Variants in EYS observed in about 807,000 individuals in gnomAD.
The protein encoded by EYS is protein eyes shut homolog.
In EYS, 250 loss-of-function variants were observed where a neutral mutation model predicts 282.1. That is an observed-to-expected ratio of 0.89 (90% CI 0.80 to 0.98). The LOEUF (loss-of-function observed/expected upper bound fraction) is 0.98. Ranked by LOEUF, EYS falls within the 50% of genes least tolerant of loss-of-function variation. The probability of loss-of-function intolerance (pLI) is 0.00; values close to 1 mark genes in which losing one functional copy is unlikely to be tolerated. For synonymous variants in EYS, 1,355 were observed against 1,282.9 expected, an observed-to-expected ratio of 1.06 and a Z score of -1.20; for missense variants, 4,016 against 3,709.0, an observed-to-expected ratio of 1.08 and a Z score of -2.15.
chr6:65,431,262 A>C (rs182849947), intron 5 of EYS, among the ~76,000 whole-genome samples: 1 of 152,024 alleles, frequency 6.6e-6, no homozygotes, highest in Non-Finnish European at 1.5e-5. Flanking sequence ...TTTGAGAAAC[A>C]CCTTTTCCTT....
chr6:65,247,536 T>A (rs1365541332), intron 12 of EYS, among the ~76,000 whole-genome samples: 2 of 152,046 alleles, frequency 1.3e-5, no homozygotes, highest in Non-Finnish European at 2.9e-5. Context: ...ACACCTCCAA[T>A]ACAGAGAACA....
chr6:64,218,556 T>TC (rs1307928810), intron 31 of EYS, among the ~76,000 whole-genome samples: 1 of 152,162 alleles, frequency 6.6e-6, no homozygotes, highest in Non-Finnish European at 1.5e-5. Context: ...TCCCTACTTG[T>TC]CCCCCTCACT....
chr6:65,278,567 A>C, intron 12 of EYS, among the ~76,000 whole-genome samples: 1 of 151,750 alleles, frequency 6.6e-6, no homozygotes, highest in East Asian at 1.9e-4. Flanking sequence ...TTTCAAGGTT[A>C]TTCAGTGTGG....
chr6:64,751,697 G>A (rs918272895), intron 22 of EYS, among the ~76,000 whole-genome samples: 1 of 152,166 alleles, frequency 6.6e-6, no homozygotes, highest in Non-Finnish European at 1.5e-5. Context: ...CTATTTGTCT[G>A]GAGGTGGAAC....
chr6:65,528,106 G>A (rs1767636359), intron 2 of EYS, among the ~76,000 whole-genome samples: 1 of 152,054 alleles, frequency 6.6e-6, no homozygotes, highest in African/African-American at 2.4e-5. Flanking sequence ...TTGAAACAAT[G>A]GCCAATATAA....
At chr6:64,525,894 TGTGTTCACACAACCAC>T (rs1777901670) in intron 26 of EYS, among the ~76,000 whole-genome samples, 1 of 151,772 alleles carries the variant, frequency 6.6e-6, no homozygotes, top group African/African-American at 2.4e-5. Flanking sequence ...AATGAAAATT[TGTGTTCACACAACCAC>T]CTGTACACAA....
intron 35 of EYS, among the ~76,000 whole-genome samples, chr6:63,945,337 G>C (rs764352318): frequency 6.6e-6 from 1 of 152,036 alleles, no homozygotes; most frequent in African/African-American, 2.4e-5. Flanking sequence ...GAATAGCATG[G>C]GGGAAACTGC....
intron 8 of EYS, among the ~76,000 whole-genome samples, chr6:65,369,311 ATATAT>A (rs201678487): frequency 0.15 from 11,817 of 80,812 alleles, 626 homozygotes; most frequent in Non-Finnish European, 0.24. Flanking sequence ...TGTATAATAT[ATATAT>A]TATATATATA....
At chr6:65,418,971 G>T (rs1009313058) in intron 5 of EYS, among the ~76,000 whole-genome samples, 1 of 151,938 alleles carries the variant, frequency 6.6e-6, no homozygotes, top group Non-Finnish European at 1.5e-5. Flanking sequence ...TTAAAGCTTT[G>T]ATCAGGGGCT....
At chr6:65,125,212 T>C (rs1472996841) in intron 12 of EYS, among the ~76,000 whole-genome samples, 2 of 152,350 alleles carry the variant, frequency 1.3e-5, no homozygotes, top group African/African-American at 4.8e-5. Context: ...ACTTCCTTTT[T>C]CCCTTCATTT....
intron 9 of EYS, 37 bp downstream of exon 9, chr6:65,353,421 T>G: frequency 6.3e-7 from 1 of 1,597,362 alleles, no homozygotes; most frequent in Non-Finnish European, 8.6e-7. Flanking sequence ...TTTGAAATGA[T>G]TCAAGCAGAT....
At chr6:65,394,543 A>G (rs1019422254) in intron 7 of EYS, among the ~76,000 whole-genome samples, 1 of 152,082 alleles carries the variant, frequency 6.6e-6, no homozygotes, top group African/African-American at 2.4e-5. Flanking sequence ...CCTTTGGAGA[A>G]ATTTCCAAAT....
chr6:64,000,661 C>CA (rs1451409448), intron 33 of EYS, among the ~76,000 whole-genome samples: 2 of 151,990 alleles, frequency 1.3e-5, no homozygotes, highest in South Asian at 2.1e-4. Flanking sequence ...AATGAAAAAA[C>CA]AAAAAACAAA....
chr6:64,343,934 T>A (rs668178), intron 29 of EYS, among the ~76,000 whole-genome samples: 2 of 151,962 alleles, frequency 1.3e-5, no homozygotes, highest in South Asian at 2.1e-4. Flanking sequence ...ACACCTCTAC[T>A]CAAATAAACT....
intron 12 of EYS, among the ~76,000 whole-genome samples, chr6:65,115,451 T>G (rs2150191895): frequency 6.6e-6 from 1 of 152,186 alleles, no homozygotes; most frequent in African/African-American, 2.4e-5. Flanking sequence ...TTACTTAATT[T>G]CTACTATATT....
chr6:64,616,340 G>A (rs1046657627), intron 24 of EYS, among the ~76,000 whole-genome samples: 1 of 152,050 alleles, frequency 6.6e-6, no homozygotes, highest in African/African-American at 2.4e-5. Context: ...AAGATCTATC[G>A]CTTTTGTAGC....
intron 36 of EYS, among the ~76,000 whole-genome samples, chr6:63,832,440 C>A (rs9344461): frequency 0.011 from 1,719 of 152,308 alleles, 28 homozygotes; most frequent in African/African-American, 0.039. Flanking sequence ...ATAAACACCT[C>A]TATGCAAATA....
intron 15 of EYS, among the ~76,000 whole-genome samples, chr6:64,937,464 C>A (rs965591655): frequency 3.3e-5 from 5 of 151,548 alleles, no homozygotes; most frequent in Admixed American, 3.3e-4. Flanking sequence ...AACTTCCATT[C>A]CCAAATGAGC....
At chr6:63,729,308 G>GT (rs1380480441) in intron 41 of EYS, among the ~76,000 whole-genome samples, 1 of 151,960 alleles carries the variant, frequency 6.6e-6, no homozygotes. Context: ...TGACAGATTA[G>GT]TTTTTTAATT....
Sources: gnomAD v4.1 joint callset for allele counts (sites outside exome capture counted in the v4.1 genomes callset) on GRCh38, gnomAD v4.1.1 for gene constraint, MANE v1.5 for transcripts, NCBI Gene and HGNC (gene_info 2026-07-23, HGNC 2026-07-21) for gene names.